Variants in CFAP299 observed in about 807,000 individuals in gnomAD.
CFAP299 encodes the protein cilia and flagella associated protein 299.
In CFAP299, 21 loss-of-function variants were observed where a neutral mutation model predicts 27.0. The ratio of observed to expected loss-of-function variants is 0.78; its 90% confidence interval spans 0.55 to 1.12. The LOEUF (loss-of-function observed/expected upper bound fraction) is 1.12. CFAP299 is among the 50% of genes most tolerant of loss of function. CFAP299 has a pLI of 0.00. For synonymous variants in CFAP299, 104 were observed against 98.1 expected (o/e 1.06, Z -0.36); for missense variants, 310 against 276.6 (o/e 1.12, Z -0.86).
intron 2 of CFAP299, among the ~76,000 whole-genome samples, chr4:80,394,693 A>T (rs1725682254): frequency 6.6e-6 from 1 of 152,106 alleles, no homozygotes; most frequent in Non-Finnish European, 1.5e-5. Context: ...TCCTTTCCCC[A>T]ATGTGTGTTC....
chr4:80,689,912 A>G (rs1720535928), intron 3 of CFAP299, among the ~76,000 whole-genome samples: 1 of 151,878 alleles, frequency 6.6e-6, no homozygotes, highest in Non-Finnish European at 1.5e-5. Flanking sequence ...GATAAAACAG[A>G]CTTTAAACCA....
At chr4:80,364,291 T>C (rs1723708571) in intron 2 of CFAP299, among the ~76,000 whole-genome samples, 1 of 152,186 alleles carries the variant, frequency 6.6e-6, no homozygotes. Context: ...CTTATGATTA[T>C]ACGGCTGAGT....
At chr4:80,717,565 G>A (rs1007033286) in intron 3 of CFAP299, among the ~76,000 whole-genome samples, 1 of 152,030 alleles carries the variant, frequency 6.6e-6, no homozygotes, top group Non-Finnish European at 1.5e-5. Flanking sequence ...TTCCAGACAG[G>A]CCTTTAAGTT....
At chr4:80,840,996 A>G (rs1038328693) in intron 3 of CFAP299, among the ~76,000 whole-genome samples, 13 of 152,094 alleles carry the variant, frequency 8.5e-5, no homozygotes, top group African/African-American at 3.1e-4. Context: ...GAATCCCTCC[A>G]CTATACCAAA....
At chr4:80,644,210 C>T (rs1739868099) in intron 3 of CFAP299, among the ~76,000 whole-genome samples, 1 of 151,952 alleles carries the variant, frequency 6.6e-6, no homozygotes, top group South Asian at 2.1e-4. Flanking sequence ...AAAACATGTG[C>T]TTTGTGTGTG....
chr4:80,869,608 G>C (rs1324275473), intron 3 of CFAP299, among the ~76,000 whole-genome samples: 4 of 152,100 alleles, frequency 2.6e-5, no homozygotes, highest in Non-Finnish European at 4.4e-5. Flanking sequence ...CTGCTTCCTG[G>C]GTTCGAGCGA....
chr4:80,892,233 TG>T (rs1734344639), intron 4 of CFAP299, among the ~76,000 whole-genome samples: 1 of 152,060 alleles, frequency 6.6e-6, no homozygotes. Context: ...TTTTCCACCG[TG>T]GTGCCAAAAA....
chr4:80,476,568 G>T (rs1730281897), intron 2 of CFAP299, among the ~76,000 whole-genome samples: 1 of 152,046 alleles, frequency 6.6e-6, no homozygotes, highest in Non-Finnish European at 1.5e-5. Flanking sequence ...GTTCAGATAA[G>T]ATTTCTTTCT....
In CFAP299 at chr4:80,917,215, C is replaced by T. The variant is rs187019557; in HGVS notation, c.477-27595C>T. Among the ~76,000 whole-genome samples, 3 of 151,966 alleles carry T rather than the reference C, an allele frequency of 2.0e-5. No homozygotes were observed. In the East Asian group the frequency reaches 5.8e-4, roughly 29 times the overall value. ...TTTTTTATGATGAAGGCAGCACATC[C>T]AAACAGCAATATCTTGGAGGCCATT... On this transcript the variant is annotated intron_variant, in intron 4 of 5. Transcript: ENST00000358105.
intron 4 of CFAP299, among the ~76,000 whole-genome samples, chr4:80,908,901 C>T (rs749471807): frequency 6.6e-6 from 1 of 151,902 alleles, no homozygotes; most frequent in South Asian, 2.1e-4. Context: ...CACATACACG[C>T]AAGCACACAC....
intron 2 of CFAP299, among the ~76,000 whole-genome samples, chr4:80,424,393 A>G (rs531259707): frequency 6.6e-6 from 1 of 152,222 alleles, no homozygotes; most frequent in Non-Finnish European, 1.5e-5. Context: ...TTTCTGCACT[A>G]TCTGGGTAAA....
At chr4:80,905,476 A>T (rs976300058) in intron 4 of CFAP299, among the ~76,000 whole-genome samples, 5 of 152,118 alleles carry the variant, frequency 3.3e-5, no homozygotes, top group East Asian at 1.9e-4. Flanking sequence ...TATTTTTTTT[A>T]AAAAAGACTA....
intron 3 of CFAP299, among the ~76,000 whole-genome samples, chr4:80,686,108 A>G (rs945479957): frequency 1.3e-5 from 2 of 151,692 alleles, no homozygotes; most frequent in African/African-American, 4.9e-5. Context: ...TGAAGATTAA[A>G]TAAATCCATG....
intron 3 of CFAP299, among the ~76,000 whole-genome samples, chr4:80,825,518 T>A (rs1349305374): frequency 1.3e-5 from 2 of 151,910 alleles, no homozygotes; most frequent in Non-Finnish European, 2.9e-5. Flanking sequence ...ACAATTCACA[T>A]ACAAGAGATT....
chr4:80,523,823 A>T lies in CFAP299; in HGVS notation c.243-59270A>T, dbSNP rs187651316. On this transcript the variant is annotated intron_variant, in intron 2 of 5. Coordinates refer to ENST00000358105, the MANE Select transcript of CFAP299 (RefSeq NM_152770.3). ...GTGTGAACCACTCCCTCATAATAAA[A>T]TTTTTTCTATATATTCTATGCGTCC... 1.6e-4 allele frequency among the ~76,000 whole-genome samples: 24 copies of T among 151,978 alleles called. 1 individual carries two copies. The highest frequency in any genetic ancestry group is 1.4e-3 in the East Asian group (7 of 5,170).
chr4:80,551,598 G>A (rs553261572), intron 2 of CFAP299, among the ~76,000 whole-genome samples: 2 of 152,062 alleles, frequency 1.3e-5, no homozygotes, highest in South Asian at 4.2e-4. Flanking sequence ...TAGTACCATG[G>A]TTCTAGAAAA....
chr4:80,451,597 A>G (rs1394286074), intron 2 of CFAP299, among the ~76,000 whole-genome samples: 1 of 152,206 alleles, frequency 6.6e-6, no homozygotes, highest in Admixed American at 6.5e-5. Flanking sequence ...TACTGAAAAT[A>G]ACTAAATTCA....
At chr4:80,797,738 C>T (rs145849642) in intron 3 of CFAP299, among the ~76,000 whole-genome samples, 3 of 152,198 alleles carry the variant, frequency 2.0e-5, no homozygotes, top group African/African-American at 7.2e-5. Flanking sequence ...AGGCATTGGT[C>T]AAGGGTGTAT....
intron 2 of CFAP299, among the ~76,000 whole-genome samples, chr4:80,374,944 A>T (rs1427177317): frequency 1.3e-5 from 2 of 151,886 alleles, no homozygotes; most frequent in Non-Finnish European, 2.9e-5. Context: ...GTGGCCAGGG[A>T]TGTGGACCTC....
Sources: allele counts gnomAD v4.1 joint callset (sites outside exome capture counted in the v4.1 genomes callset), GRCh38; gene constraint gnomAD v4.1.1; transcripts MANE v1.5; gene names NCBI Gene and HGNC (gene_info 2026-07-23, HGNC 2026-07-21).